The following FBXL17 variants were observed in gnomAD, a reference collection of about 807,000 sequenced individuals.
FBXL17 encodes F-box and leucine rich repeat protein 17.
Under a neutral mutation model 66.2 loss-of-function variants are expected in FBXL17, and 22 were observed. The ratio of observed to expected loss-of-function variants is 0.33; its 90% CI spans 0.24 to 0.47. The LOEUF (loss-of-function observed/expected upper bound fraction) is 0.47, where lower values mean the gene tolerates loss of function less well. FBXL17 is among the 20% of genes least tolerant of loss of function. The probability of loss-of-function intolerance (pLI) is 1.00; values close to 1 mark genes in which losing one functional copy is unlikely to be tolerated. For missense variants in FBXL17, 878 were observed against 948.2 expected (o/e 0.93, Z 0.97); for synonymous variants, 474 against 400.5 (o/e 1.18, Z -2.19).
chr5:107,975,488 A>T (rs533714677), intron 7 of FBXL17, among the ~76,000 whole-genome samples: 1 of 152,270 alleles, frequency 6.6e-6, no homozygotes, highest in East Asian at 1.9e-4. Flanking sequence ...AAGCTATCTG[A>T]TATTTGTTTT....
intron 3 of FBXL17, among the ~76,000 whole-genome samples, chr5:108,355,691 G>A (rs180752677): frequency 2.1e-4 from 32 of 151,904 alleles, no homozygotes; most frequent in African/African-American, 7.7e-4. Context: ...TGAATTCCAG[G>A]ATAACCACTT....
intron 4 of FBXL17, among the ~76,000 whole-genome samples, chr5:108,232,433 G>T (rs964298036): frequency 1.3e-5 from 2 of 152,028 alleles, no homozygotes; most frequent in African/African-American, 4.8e-5. Context: ...CAACTTGATT[G>T]AATTGATGGA....
intron 6 of FBXL17, among the ~76,000 whole-genome samples, chr5:108,176,241 T>A (rs906573206): frequency 6.6e-6 from 1 of 152,192 alleles, no homozygotes; most frequent in Non-Finnish European, 1.5e-5. Context: ...TTCTTTCCTA[T>A]AATTTAAAAA....
chr5:108,202,925 C>A (rs114120549), intron 5 of FBXL17, among the ~76,000 whole-genome samples: 1 of 151,816 alleles, frequency 6.6e-6, no homozygotes, highest in African/African-American at 2.4e-5. Context: ...TTACACAGTG[C>A]GTTTAACTTA....
chr5:108,269,306 C>G (rs762643020), intron 4 of FBXL17, among the ~76,000 whole-genome samples: 11 of 152,004 alleles, frequency 7.2e-5, no homozygotes, highest in Non-Finnish European at 1.5e-4. Flanking sequence ...GTGGCATGCT[C>G]TTAAGTTCTT....
At chr5:108,347,030 G>T (rs1747323805) in intron 4 of FBXL17, among the ~76,000 whole-genome samples, 1 of 152,088 alleles carries the variant, frequency 6.6e-6, no homozygotes. Context: ...ACACATTCAG[G>T]ACTACCCTGA....
At chr5:108,223,836 C>T (rs1331811348) in intron 5 of FBXL17, among the ~76,000 whole-genome samples, 1 of 151,882 alleles carries the variant, frequency 6.6e-6, no homozygotes, top group East Asian at 1.9e-4. Flanking sequence ...ATCTTCTAAG[C>T]ACAATATATT....
chr5:107,937,238 T>C (rs1750938235), intron 7 of FBXL17, among the ~76,000 whole-genome samples: 2 of 152,116 alleles, frequency 1.3e-5, no homozygotes, highest in Admixed American at 6.6e-5. Flanking sequence ...CATCTGAGCA[T>C]AAACAGGGTG....
chr5:107,958,028 G>A (rs1316125436), intron 7 of FBXL17, among the ~76,000 whole-genome samples: 1 of 151,868 alleles, frequency 6.6e-6, no homozygotes, highest in Non-Finnish European at 1.5e-5. Flanking sequence ...TGACACGGCA[G>A]AGAAAAGGTC....
At chr5:107,951,447 A>G (rs1751494464) in intron 7 of FBXL17, among the ~76,000 whole-genome samples, 1 of 152,246 alleles carries the variant, frequency 6.6e-6, no homozygotes, top group African/African-American at 2.4e-5. Flanking sequence ...TGCTTAGCTG[A>G]TGGCACTTGA....
chr5:108,056,435 T>A (rs1747711914), intron 6 of FBXL17, among the ~76,000 whole-genome samples: 1 of 152,258 alleles, frequency 6.6e-6, no homozygotes, highest in South Asian at 2.1e-4. Flanking sequence ...GTTCACTCCC[T>A]TTCTGTGATT....
chr5:108,239,205 C>T (rs1031626185), intron 4 of FBXL17, among the ~76,000 whole-genome samples: 1 of 152,116 alleles, frequency 6.6e-6, no homozygotes, highest in Non-Finnish European at 1.5e-5. Context: ...CCAAACTGAA[C>T]AACTATCCAC....
At chr5:108,341,374 CA>C (rs1313632578) in intron 4 of FBXL17, among the ~76,000 whole-genome samples, 4 of 152,018 alleles carry the variant, frequency 2.6e-5, no homozygotes, top group Admixed American at 2.6e-4. Flanking sequence ...ATCATCATAG[CA>C]GTTGCTCTGG....
chr5:107,923,001 G>T (rs1750373738), intron 7 of FBXL17, among the ~76,000 whole-genome samples: 1 of 152,156 alleles, frequency 6.6e-6, no homozygotes, highest in Admixed American at 6.5e-5. Context: ...GTGTTAATAA[G>T]GTGTGCAGAG....
chr5:108,030,389 A>G (rs140092931), intron 6 of FBXL17, among the ~76,000 whole-genome samples: 103 of 152,270 alleles, frequency 6.8e-4, no homozygotes, highest in Non-Finnish European at 1.3e-3. Flanking sequence ...GTAAGTAAAC[A>G]CGGAGAAAGG....
chr5:108,164,267 A>G (rs1009061563), intron 6 of FBXL17, among the ~76,000 whole-genome samples: 1 of 152,226 alleles, frequency 6.6e-6, no homozygotes, highest in African/African-American at 2.4e-5. Context: ...AGTGAAAAAC[A>G]TGATCACTCT....
intron 6 of FBXL17, among the ~76,000 whole-genome samples, chr5:108,086,168 C>T (rs1220258503): frequency 6.6e-6 from 1 of 151,790 alleles, no homozygotes; most frequent in African/African-American, 2.4e-5. Flanking sequence ...CAGAGAAGTC[C>T]TGCCCCATAA....
intron 7 of FBXL17, among the ~76,000 whole-genome samples, chr5:107,997,282 G>C (rs907819923): frequency 6.6e-6 from 1 of 152,170 alleles, no homozygotes; most frequent in Admixed American, 6.5e-5. Context: ...GTTGATAACT[G>C]TGAAGACTAA....
intron 4 of FBXL17, among the ~76,000 whole-genome samples, chr5:108,330,511 A>G (rs1760070594): frequency 6.6e-6 from 1 of 152,222 alleles, no homozygotes; most frequent in Non-Finnish European, 1.5e-5. Context: ...TGTTTTATTA[A>G]TAATTCATAA....
Sources: allele counts gnomAD v4.1 joint callset (sites outside exome capture counted in the v4.1 genomes callset), GRCh38; gene constraint gnomAD v4.1.1; transcripts MANE v1.5; gene names NCBI Gene and HGNC (gene_info 2026-07-23, HGNC 2026-07-21).